The following GRM5 variants were observed in gnomAD, a reference collection of about 807,000 sequenced individuals.
GRM5 encodes the protein glutamate metabotropic receptor 5.
Under a neutral mutation model 83.1 loss-of-function variants are expected in GRM5, and 19 were observed. The observed-to-expected ratio is 0.23, with a 90% CI of 0.16 to 0.34. The LOEUF is 0.34. GRM5 is among the 10% of genes least tolerant of loss of function. The probability of loss-of-function intolerance (pLI) is 1.00; values close to 1 mark genes in which losing one functional copy is unlikely to be tolerated. For missense variants in GRM5, 1,160 were observed against 1,588.3 expected, an observed-to-expected ratio of 0.73 and a Z score of 4.58; for synonymous variants, 675 against 633.6, an observed-to-expected ratio of 1.07 and a Z score of -0.98.
chr11:88,868,469 G>T (rs1366638150), intron 2 of GRM5, among the ~76,000 whole-genome samples: 6 of 151,656 alleles, frequency 4.0e-5, no homozygotes, highest in Non-Finnish European at 4.4e-5. Flanking sequence ...TATAAATAAG[G>T]CTAGAGTAGT....
At chr11:88,995,363 G>T (rs1381178306) in intron 2 of GRM5, among the ~76,000 whole-genome samples, 1 of 151,772 alleles carries the variant, frequency 6.6e-6, no homozygotes, top group African/African-American at 2.4e-5. Context: ...TGGCCAACAT[G>T]ATGAAACCCC....
At chr11:88,980,715 T>C (rs1939494059) in intron 2 of GRM5, among the ~76,000 whole-genome samples, 1 of 151,834 alleles carries the variant, frequency 6.6e-6, no homozygotes, top group Non-Finnish European at 1.5e-5. Flanking sequence ...CCCAGCTACT[T>C]GGGAGGCTGA....
intron 3 of GRM5, among the ~76,000 whole-genome samples, chr11:88,790,123 C>G (rs1214076217): frequency 1.3e-5 from 2 of 152,182 alleles, no homozygotes; most frequent in Admixed American, 6.5e-5. Context: ...CTCAGCCTCC[C>G]AAAGTGCTGG....
chr11:88,835,749 A>C (rs1200749215), intron 3 of GRM5, among the ~76,000 whole-genome samples: 1 of 152,270 alleles, frequency 6.6e-6, no homozygotes, highest in Non-Finnish European at 1.5e-5. Flanking sequence ...TGTATTAAAA[A>C]GACTAATATC....
chr11:88,768,311 G>A (rs573686266), intron 3 of GRM5, among the ~76,000 whole-genome samples: 1 of 152,088 alleles, frequency 6.6e-6, no homozygotes, highest in South Asian at 2.1e-4. Context: ...TGACTTTGAG[G>A]AGATAATGTT....
chr11:88,846,064 T>C (rs1314129277), intron 3 of GRM5, among the ~76,000 whole-genome samples: 1 of 152,224 alleles, frequency 6.6e-6, no homozygotes, highest in Non-Finnish European at 1.5e-5. Context: ...AATCCTCAAG[T>C]ACTTTTGAAA....
chr11:88,559,361 G>T (rs1049514633), intron 8 of GRM5, among the ~76,000 whole-genome samples: 2 of 152,148 alleles, frequency 1.3e-5, no homozygotes, highest in African/African-American at 4.8e-5. Flanking sequence ...CTGGAATAAG[G>T]AACACAGCTT....
intron 3 of GRM5, among the ~76,000 whole-genome samples, chr11:88,787,911 G>C (rs1381391421): frequency 6.6e-6 from 1 of 152,192 alleles, no homozygotes; most frequent in African/African-American, 2.4e-5. Context: ...TCCAAGTGGA[G>C]ATGTCACGTA....
intron 4 of GRM5, among the ~76,000 whole-genome samples, chr11:88,633,945 C>T (rs1939050527): frequency 6.6e-6 from 1 of 152,180 alleles, no homozygotes; most frequent in Non-Finnish European, 1.5e-5. Context: ...TGGTTATGCA[C>T]AACCTACTAA....
intron 3 of GRM5, among the ~76,000 whole-genome samples, chr11:88,705,944 G>A (rs774035079): frequency 2.0e-5 from 3 of 151,924 alleles, no homozygotes; most frequent in Admixed American, 6.6e-5. Flanking sequence ...GTGCTTAAAT[G>A]TATTAATTTA....
intron 3 of GRM5, among the ~76,000 whole-genome samples, chr11:88,775,416 G>T (rs1480553125): frequency 6.6e-6 from 1 of 151,974 alleles, no homozygotes; most frequent in Non-Finnish European, 1.5e-5. Context: ...TTTTTTGAAG[G>T]GTTTTTTTGC....
In GRM5 at chr11:88,600,756, G is replaced by A. The variant is rs147347751; in HGVS notation, c.1395-3404C>T. 1.1e-3 allele frequency among the ~76,000 whole-genome samples: 175 copies of A among 152,310 alleles called. 1 individual carries two copies. In the Middle Eastern group the frequency reaches 0.014, roughly 12 times the overall value. On this transcript the variant is annotated intron_variant, in intron 5 of 9. Transcript: ENST00000305447. Reference sequence around the variant, plus strand: ...GGGCTGAAACAGGGTTGTTGTTAGAGAAAGTGAAAAATCATTTGGAGAAGA... The same window carrying A: ...GGGCTGAAACAGGGTTGTTGTTAGAAAAAGTGAAAAATCATTTGGAGAAGA...
chr11:89,064,173 C>T (rs959373048), intron 1 of GRM5, among the ~76,000 whole-genome samples: 14 of 152,290 alleles, frequency 9.2e-5, no homozygotes, highest in African/African-American at 3.4e-4. Flanking sequence ...GCCCTGACTA[C>T]CTAATCTTTA....
At chr11:88,930,862 C>A (rs569018958) in intron 2 of GRM5, among the ~76,000 whole-genome samples, 1 of 151,922 alleles carries the variant, frequency 6.6e-6, no homozygotes, top group Non-Finnish European at 1.5e-5. Flanking sequence ...CTCATATTGC[C>A]AACTCCTTAA....
chr11:88,535,794 A>G (rs1326573611), intron 8 of GRM5, among the ~76,000 whole-genome samples: 2 of 152,162 alleles, frequency 1.3e-5, no homozygotes, highest in Non-Finnish European at 2.9e-5. Flanking sequence ...GTGTATATAT[A>G]TGATGAATCT....
intron 2 of GRM5, among the ~76,000 whole-genome samples, chr11:88,937,182 G>T (rs1275652813): frequency 1.3e-5 from 2 of 151,632 alleles, no homozygotes; most frequent in South Asian, 2.1e-4. Flanking sequence ...GACCAACTGG[G>T]TTTGACCTTA....
intron 4 of GRM5, among the ~76,000 whole-genome samples, chr11:88,630,429 G>A (rs1008675606): frequency 1.3e-5 from 2 of 151,876 alleles, no homozygotes; most frequent in African/African-American, 4.8e-5. Flanking sequence ...TTATTCCTTA[G>A]CAGAATGTAG....
At chr11:89,029,816 G>A (rs1440723707) in intron 2 of GRM5, among the ~76,000 whole-genome samples, 1 of 152,078 alleles carries the variant, frequency 6.6e-6, no homozygotes, top group Non-Finnish European at 1.5e-5. Context: ...AAACTTCCTT[G>A]CTGAATAATC....
rs1433421832 is a variant in GRM5, at chr11:88,589,933, GAC to G, written c.1690+666_1690+667del. Among the ~76,000 whole-genome samples, 5 of 152,162 alleles carry G rather than the reference GAC, an allele frequency of 3.3e-5. No homozygotes were observed. In the East Asian group the frequency reaches 7.7e-4, roughly 24 times the overall value. ...AATGTTTATTGAAGAAAAATTGGAA[GAC>G]AGTATGAAAGGAATCATATTCTGTT... On this transcript the variant is annotated intron_variant, in intron 7 of 9. Transcript: ENST00000305447.
Sources: allele counts gnomAD v4.1 joint callset (sites outside exome capture counted in the v4.1 genomes callset), GRCh38; gene constraint gnomAD v4.1.1; transcripts MANE v1.5; gene names NCBI Gene and HGNC (gene_info 2026-07-23, HGNC 2026-07-21).